SGCZ: variants seen among roughly 807,000 people sequenced by gnomAD.
SGCZ encodes the protein zeta-sarcoglycan.
A neutral mutation model predicts 41.3 loss-of-function variants in SGCZ; 40 were observed. The observed-to-expected ratio is 0.97, with a 90% CI of 0.75 to 1.26. The LOEUF (loss-of-function observed/expected upper bound fraction) is 1.26, where lower values mean the gene tolerates loss of function less well. SGCZ is among the 50% of genes most tolerant of loss of function. SGCZ has a pLI of 0.00. For synonymous variants in SGCZ, 206 were observed against 137.5 expected, an observed-to-expected ratio of 1.50 and a Z score of -3.49; for missense variants, 552 against 369.8, an observed-to-expected ratio of 1.49 and a Z score of -4.04.
chr8:15,174,517 T>C (rs1799941154), intron 1 of SGCZ, among the ~76,000 whole-genome samples: 1 of 152,246 alleles, frequency 6.6e-6, no homozygotes, highest in African/African-American at 2.4e-5. Context: ...GTATACTTTA[T>C]GTAATATAAA....
intron 1 of SGCZ, among the ~76,000 whole-genome samples, chr8:15,148,505 G>T (rs1411406688): frequency 6.6e-6 from 1 of 152,186 alleles, no homozygotes; most frequent in Non-Finnish European, 1.5e-5. Flanking sequence ...GGTTGAAGCA[G>T]CCTTTTCCGG....
chr8:14,105,041 T>TTAATG (rs1802158525), intron 6 of SGCZ, among the ~76,000 whole-genome samples: 1 of 152,128 alleles, frequency 6.6e-6, no homozygotes, highest in Non-Finnish European at 1.5e-5. Context: ...TAACTATATA[T>TTAATG]TAATGTAAGA....
intron 5 of SGCZ, among the ~76,000 whole-genome samples, chr8:14,125,503 C>CA (rs35509746): frequency 0.37 from 43,323 of 118,138 alleles, 8,092 homozygotes; most frequent in African/African-American, 0.56. Flanking sequence ...GATTCCGTCT[C>CA]AAAAAAAAAA....
intron 3 of SGCZ, among the ~76,000 whole-genome samples, chr8:14,250,378 C>G (rs114809720): frequency 0.012 from 1,803 of 152,114 alleles, 35 homozygotes; most frequent in African/African-American, 0.041. Context: ...AAAAATGTGT[C>G]GAAATTTTTT....
chr8:14,908,579 A>G (rs555089144), intron 1 of SGCZ, among the ~76,000 whole-genome samples: 1 of 152,030 alleles, frequency 6.6e-6, no homozygotes, highest in South Asian at 2.1e-4. Context: ...GTGAAACCCC[A>G]TTTCTACTAA....
intron 2 of SGCZ, among the ~76,000 whole-genome samples, chr8:14,501,157 G>A (rs1237895339): frequency 6.6e-6 from 1 of 151,804 alleles, no homozygotes; most frequent in African/African-American, 2.4e-5. Flanking sequence ...TGGGATCATG[G>A]CCCCTTTAAT....
intron 1 of SGCZ, among the ~76,000 whole-genome samples, chr8:14,739,339 T>A (rs990884593): frequency 1.3e-5 from 2 of 152,082 alleles, no homozygotes; most frequent in Non-Finnish European, 2.9e-5. Context: ...ATTCACTGCA[T>A]TTATTCATAT....
chr8:14,985,368 G>T (rs1430623778), intron 1 of SGCZ, among the ~76,000 whole-genome samples: 1 of 152,104 alleles, frequency 6.6e-6, no homozygotes, highest in African/African-American at 2.4e-5. Context: ...TGCTTTCTCT[G>T]ACGAAAGGAG....
At chr8:14,587,848 A>C (rs1805110852) in intron 1 of SGCZ, among the ~76,000 whole-genome samples, 1 of 152,138 alleles carries the variant, frequency 6.6e-6, no homozygotes, top group Non-Finnish European at 1.5e-5. Flanking sequence ...TAGTTTTGCT[A>C]TTTGGGTTTA....
At chr8:14,410,400 G>GTA (rs566436950) in intron 2 of SGCZ, among the ~76,000 whole-genome samples, 1 of 145,724 alleles carries the variant, frequency 6.9e-6, no homozygotes, top group Non-Finnish European at 1.5e-5. Context: ...AATAATTTAA[G>GTA]AAAAAAAAAA....
chr8:14,146,345 T>C (rs998072065), intron 5 of SGCZ, among the ~76,000 whole-genome samples: 7 of 152,152 alleles, frequency 4.6e-5, no homozygotes, highest in African/African-American at 1.7e-4. Flanking sequence ...AGCAGAAATA[T>C]CTTTTGAATA....
chr8:15,044,503 A>G (rs1252771139), intron 1 of SGCZ, among the ~76,000 whole-genome samples: 1 of 152,184 alleles, frequency 6.6e-6, no homozygotes, highest in Non-Finnish European at 1.5e-5. Context: ...AAATACATAC[A>G]GAATCAGGAA....
At chr8:15,103,449 T>C (rs1368907934) in intron 1 of SGCZ, among the ~76,000 whole-genome samples, 2 of 146,984 alleles carry the variant, frequency 1.4e-5, no homozygotes, top group East Asian at 2.1e-4. Flanking sequence ...TGAAGAGCCA[T>C]AGCAAAACCA....
chr8:15,019,208 G>C (rs1803158070), intron 1 of SGCZ, among the ~76,000 whole-genome samples: 2 of 152,208 alleles, frequency 1.3e-5, no homozygotes, highest in African/African-American at 2.4e-5. Flanking sequence ...ACTGGACTGA[G>C]AATGACTTAT....
intron 2 of SGCZ, among the ~76,000 whole-genome samples, chr8:14,343,816 CA>C (rs2117085643): frequency 6.6e-6 from 1 of 152,020 alleles, no homozygotes; most frequent in Non-Finnish European, 1.5e-5. Context: ...GAGTATTTAT[CA>C]TTTTTTTCAG....
At chr8:14,934,862 G>A (rs978328750) in intron 1 of SGCZ, among the ~76,000 whole-genome samples, 2 of 151,366 alleles carry the variant, frequency 1.3e-5, no homozygotes, top group Admixed American at 6.6e-5. Flanking sequence ...CAGCTAGACA[G>A]ACAGGTTTCT....
chr8:15,120,655 A>G lies in SGCZ; in HGVS notation c.39+116930T>C, dbSNP rs1807442958. ...TATGGACTTTTATAAAGGTTCCATTATGCCCCCTGAGAAAATGAATTGACA... is the reference window on the plus strand; with the variant it reads ...TATGGACTTTTATAAAGGTTCCATTGTGCCCCCTGAGAAAATGAATTGACA... On this transcript the variant is annotated intron_variant, in intron 1 of 7. Coordinates refer to ENST00000382080, the MANE Select transcript of SGCZ (RefSeq NM_139167.4). Among the ~76,000 whole-genome samples the G allele has an allele frequency of 2.0e-5, 3 of 152,290 alleles. No individual in the cohort carries two copies. In the South Asian group the frequency reaches 6.2e-4, roughly 32 times the overall value.
At chr8:14,756,927 T>G (rs1038550199) in intron 1 of SGCZ, among the ~76,000 whole-genome samples, 3 of 152,238 alleles carry the variant, frequency 2.0e-5, no homozygotes, top group African/African-American at 7.2e-5. Context: ...GGTGCTATTA[T>G]AATCTTGTAA....
At chr8:15,232,098 A>T (rs955022295) in intron 1 of SGCZ, among the ~76,000 whole-genome samples, 2 of 152,212 alleles carry the variant, frequency 1.3e-5, no homozygotes, top group African/African-American at 2.4e-5. Context: ...ATATTCTCAA[A>T]AATTCATAGA....
Sources: gnomAD v4.1 joint callset for allele counts (sites outside exome capture counted in the v4.1 genomes callset) on GRCh38, gnomAD v4.1.1 for gene constraint, MANE v1.5 for transcripts, NCBI Gene and HGNC (gene_info 2026-07-23, HGNC 2026-07-21) for gene names.